The following ERICH6B variants were observed in gnomAD, a reference collection of about 807,000 sequenced individuals.
ERICH6B encodes the protein glutamate-rich protein 6B.
In ERICH6B, 69 loss-of-function variants were observed where a neutral mutation model predicts 80.0. The ratio of observed to expected loss-of-function variants is 0.86; its 90% confidence interval spans 0.71 to 1.05. ERICH6B has a LOEUF of 1.05. Among genes scored for constraint, ERICH6B ranks in the 50% least tolerant of loss-of-function variants. ERICH6B has a pLI of 0.00. For missense variants in ERICH6B, 754 were observed against 796.1 expected, an observed-to-expected ratio of 0.95 and a Z score of 0.64; for synonymous variants, 283 against 291.9, an observed-to-expected ratio of 0.97 and a Z score of 0.31.
At chr13:45,581,105 C>T (rs574421324) in intron 5 of ERICH6B, among the ~76,000 whole-genome samples, 1 of 152,132 alleles carries the variant, frequency 6.6e-6, no homozygotes, top group South Asian at 2.1e-4. Flanking sequence ...TGCTCTGTGG[C>T]CATGGGGTGT....
intron 2 of ERICH6B, among the ~76,000 whole-genome samples, chr13:45,606,543 ATATATTTT>A (rs1269303183): frequency 2.7e-4 from 3 of 11,058 alleles, no homozygotes; most frequent in Admixed American, 1.5e-3. Flanking sequence ...ATATATATAT[ATATATTTT>A]TTTTTTTTTT....
At chr13:45,557,922 T>C (rs1874506253) in intron 11 of ERICH6B, among the ~76,000 whole-genome samples, 1 of 150,682 alleles carries the variant, frequency 6.6e-6, no homozygotes, top group Non-Finnish European at 1.5e-5. Context: ...GGGCTCTTTT[T>C]TCATTCCATG....
chr13:45,572,834 AAATGTCC>A (rs1406185355), intron 8 of ERICH6B, among the ~76,000 whole-genome samples: 3 of 152,228 alleles, frequency 2.0e-5, no homozygotes, highest in Non-Finnish European at 4.4e-5. Context: ...AGAGAGACAC[AAATGTCC>A]AATAATTGTG....
At chr13:45,585,881 C>T (rs1053076195) in intron 5 of ERICH6B, among the ~76,000 whole-genome samples, 8 of 152,204 alleles carry the variant, frequency 5.3e-5, no homozygotes, top group African/African-American at 1.4e-4. Flanking sequence ...GGGCCCCTCT[C>T]GGGGCTGGGT....
At chr13:45,606,257 A>T (rs181001688) in intron 2 of ERICH6B, among the ~76,000 whole-genome samples, 22 of 152,256 alleles carry the variant, frequency 1.4e-4, no homozygotes, top group Admixed American at 9.8e-4. Flanking sequence ...TCTCTTAAAT[A>T]GTCACAATTA....
At chr13:45,541,972 C>T (rs1035143608) in intron 14 of ERICH6B, among the ~76,000 whole-genome samples, 5 of 152,230 alleles carry the variant, frequency 3.3e-5, no homozygotes, top group African/African-American at 9.6e-5. Context: ...GCCTGCCCTC[C>T]AAAGGCGGTG....
At chr13:45,603,483 A>G (rs1430211075) in intron 2 of ERICH6B, among the ~76,000 whole-genome samples, 1 of 152,110 alleles carries the variant, frequency 6.6e-6, no homozygotes, top group Non-Finnish European at 1.5e-5. Context: ...AGTGCCTGCA[A>G]TGTCCTCCCG....
chr13:45,549,424 A>G (rs1349953722), intron 13 of ERICH6B, among the ~76,000 whole-genome samples: 1 of 152,204 alleles, frequency 6.6e-6, no homozygotes, highest in Non-Finnish European at 1.5e-5. Flanking sequence ...TTGAATTGGT[A>G]AGATGGTTTT....
intron 11 of ERICH6B, among the ~76,000 whole-genome samples, chr13:45,559,183 A>G (rs1874563155): frequency 6.6e-6 from 1 of 152,160 alleles, no homozygotes. Flanking sequence ...CTTCTAGTTT[A>G]TGCATGTAAA....
rs79050432 is a variant in ERICH6B, at chr13:45,561,654, T to C, written c.1250-128A>G. ...TGGGAGATCTGCCATTTTTCCCCAGTGAGGAAGGCTGTCGGGTAGTGGGAA... is the reference window on the plus strand; with the variant it reads ...TGGGAGATCTGCCATTTTTCCCCAGCGAGGAAGGCTGTCGGGTAGTGGGAA... On this transcript the variant is annotated intron_variant, in intron 10 of 14. Transcript: ENST00000298738. The C allele has an allele frequency of 2.1e-3, 2,054 of 972,920 alleles. 21 individuals carry two copies. The African/African-American group carries it at 0.031, about 15-fold the overall frequency. The allele number at this position is 972,920 out of a possible 1,614,324, so 60.3% of individuals were successfully genotyped here.
chr13:45,606,436 G>A (rs951215744), intron 2 of ERICH6B, among the ~76,000 whole-genome samples: 20 of 144,822 alleles, frequency 1.4e-4, no homozygotes, highest in African/African-American at 4.6e-4. Flanking sequence ...GCTGCCTCGC[G>A]GGGTGGTGGG....
In ERICH6B at chr13:45,596,831, T is replaced by G; in HGVS notation, c.175A>C (p.Lys59Gln). ...FSPEGESLED[K>Q]EYLEEEEDLE... ...TCCTCTTCCTCCTCCAGATACTCTT[T>G]GTCCTCCAGAGACTCTCCCTCTGGA... is the stretch of plus-strand genomic sequence containing the variant. Residue 59 changes from lysine to glutamine, a missense_variant, in exon 3 of 15, where the codon AAA (lysine) becomes CAA (glutamine). By Grantham distance (53) the Lys-to-Gln change is moderately conservative (BLOSUM62 1). Coordinates refer to ENST00000298738, the MANE Select transcript of ERICH6B (RefSeq NM_182542.3). The G allele has an allele frequency of 6.4e-7, 1 of 1,551,814 alleles. No individual in the cohort carries two copies. The highest frequency in any genetic ancestry group is 8.7e-7 in the Non-Finnish European group (1 of 1,147,006).
chr13:45,566,882 T>C (rs992818416), intron 9 of ERICH6B, among the ~76,000 whole-genome samples: 3 of 152,186 alleles, frequency 2.0e-5, no homozygotes, highest in Admixed American at 2.0e-4. Flanking sequence ...CAGCTTGCAC[T>C]GTACATTTGG....
chr13:45,560,341 A>G (rs1042590232), intron 11 of ERICH6B, among the ~76,000 whole-genome samples: 6 of 152,192 alleles, frequency 3.9e-5, no homozygotes, highest in Admixed American at 3.9e-4. Context: ...TTTTTAGAGC[A>G]GGTCATGGAA....
chr13:45,569,593 T>C (rs535287685), intron 8 of ERICH6B, among the ~76,000 whole-genome samples: 6 of 152,220 alleles, frequency 3.9e-5, no homozygotes, highest in Non-Finnish European at 7.3e-5. Flanking sequence ...ATGTTCCCTG[T>C]TCTTTGCTTA....
chr13:45,591,504 G>A (rs1211546475), intron 3 of ERICH6B, among the ~76,000 whole-genome samples: 2 of 152,222 alleles, frequency 1.3e-5, no homozygotes, highest in Admixed American at 6.5e-5. Flanking sequence ...GCTGAGTCAG[G>A]AGAATGGCGT....
chr13:45,559,581 C>T (rs60256825), intron 11 of ERICH6B, among the ~76,000 whole-genome samples: 41,697 of 151,766 alleles, frequency 0.27, 9,692 homozygotes, highest in African/African-American at 0.63. Flanking sequence ...CCAGAGGTTT[C>T]GTTAGGTTGT....
At chr13:45,596,287 C>T in intron 3 of ERICH6B, 82 bp downstream of exon 3, 1 of 1,445,016 alleles carries the variant, frequency 6.9e-7, no homozygotes, top group East Asian at 2.5e-5. Flanking sequence ...CATCCCTTTC[C>T]AGATACTCTT....
intron 1 of ERICH6B, among the ~76,000 whole-genome samples, chr13:45,610,831 G>T (rs1229043194): frequency 7.7e-6 from 1 of 130,290 alleles, no homozygotes; most frequent in Non-Finnish European, 1.7e-5. Flanking sequence ...TATGTGGCAG[G>T]ACTGTGTGTG....
Sources: allele counts gnomAD v4.1 joint callset (sites outside exome capture counted in the v4.1 genomes callset), GRCh38; gene constraint gnomAD v4.1.1; transcripts MANE v1.5; gene names NCBI Gene and HGNC (gene_info 2026-07-23, HGNC 2026-07-21).